NHS: variants seen among roughly 807,000 people sequenced by gnomAD.
NHS encodes the protein actin remodeling regulator NHS.
In NHS, 5 loss-of-function variants were observed where a neutral mutation model predicts 72.5. That is an observed-to-expected ratio of 0.07 (90% CI 0.04 to 0.14). The LOEUF (loss-of-function observed/expected upper bound fraction) is 0.14. NHS is among the 10% of genes least tolerant of loss of function. NHS has a pLI of 1.00. For synonymous variants in NHS, 464 were observed against 547.7 expected, an observed-to-expected ratio of 0.85 and a Z score of 2.13; for missense variants, 1,072 against 1,355.7, an observed-to-expected ratio of 0.79 and a Z score of 3.29.
At chrX:17,562,096 G>A (rs1282379444) in intron 1 of NHS, among the ~76,000 whole-genome samples, 2 of 111,590 alleles carry the variant, frequency 1.8e-5, no homozygotes, top group African/African-American at 3.3e-5. Flanking sequence ...CTATAAATGG[G>A]TTGGGAATGA....
chrX:17,530,883 G>T (rs1234366465), intron 1 of NHS, among the ~76,000 whole-genome samples: 1 of 110,993 alleles, frequency 9.0e-6, no homozygotes, highest in Non-Finnish European at 1.9e-5. Context: ...GGCTGGTCTT[G>T]AACTGCTGGC....
At chrX:17,573,530 A>G (rs755017786) in intron 1 of NHS, among the ~76,000 whole-genome samples, 1 of 109,838 alleles carries the variant, frequency 9.1e-6, no homozygotes, top group South Asian at 3.9e-4. Flanking sequence ...CAGCTCCATC[A>G]GATCATTTAA....
intron 2 of NHS, 100 bp from the exon 3 acceptor site, chrX:17,692,235 T>G (rs1352883729): frequency 1.4e-5 from 9 of 639,343 alleles, no homozygotes; most frequent in Non-Finnish European, 1.8e-5. Context: ...AAAACTCACT[T>G]TTTTTTTTTT....
intron 1 of NHS, among the ~76,000 whole-genome samples, chrX:17,485,000 G>A (rs1204192837): frequency 8.9e-6 from 1 of 111,780 alleles, no homozygotes. Flanking sequence ...GGTGTGAGAG[G>A]CTCCCCTCTT....
intron 4 of NHS, among the ~76,000 whole-genome samples, chrX:17,721,102 A>G (rs773241161): frequency 8.9e-6 from 1 of 111,847 alleles, no homozygotes; most frequent in East Asian, 2.8e-4. Context: ...ATAGAAATTT[A>G]TGGTGAGATA....
chrX:17,555,622 G>A (rs1439046733), intron 1 of NHS, among the ~76,000 whole-genome samples: 2 of 112,130 alleles, frequency 1.8e-5, no homozygotes, highest in Admixed American at 9.5e-5. Flanking sequence ...GTTAGGATAA[G>A]AGGAAATCAG....
chrX:17,421,548 T>C (rs2064623714), intron 1 of NHS, among the ~76,000 whole-genome samples: 1 of 111,326 alleles, frequency 9.0e-6, no homozygotes, highest in Non-Finnish European at 1.9e-5. Flanking sequence ...CTGTGGCTGA[T>C]TTTTTCTTTT....
At chrX:17,648,757 G>A (rs375117081) in intron 1 of NHS, among the ~76,000 whole-genome samples, 21 of 112,184 alleles carry the variant, frequency 1.9e-4, no homozygotes, top group African/African-American at 6.8e-4. Context: ...CCAAGAGACA[G>A]TGTAGTGAGG....
intron 1 of NHS, among the ~76,000 whole-genome samples, chrX:17,512,982 C>T (rs1205488393): frequency 8.9e-6 from 1 of 111,938 alleles, no homozygotes; most frequent in Admixed American, 9.5e-5. Flanking sequence ...GCTCTGCACT[C>T]CAAGTTACCT....
At chrX:17,711,441 T>C (rs1313305187) in intron 3 of NHS, among the ~76,000 whole-genome samples, 1 of 112,634 alleles carries the variant, frequency 8.9e-6, no homozygotes, top group Non-Finnish European at 1.9e-5. Flanking sequence ...TAATTGGTTA[T>C]GCTTTGCACA....
chrX:17,511,511 T>TA (rs1051057207), intron 1 of NHS, among the ~76,000 whole-genome samples: 9 of 111,013 alleles, frequency 8.1e-5, no homozygotes, highest in East Asian at 2.8e-4. Flanking sequence ...TTGTTCATGA[T>TA]AAAAAAAAGC....
rs796409129 is a variant in NHS, at chrX:17,673,237, C to CACACACACACAG, written c.566-14504_566-14503insCACACACACAGA. 1.3e-4 allele frequency among the ~76,000 whole-genome samples: 12 copies of CACACACACACAG among 95,032 alleles called. No homozygotes were observed. In the South Asian group the frequency reaches 1.6e-3, roughly 12 times the overall value. The allele number at this position is 95,032 out of a possible 115,157, so 82.5% of individuals were successfully genotyped here. ...ACACACACACACACACACACACACA[C>CACACACACACAG]AAGAAAGCTCGTCTGAGCCAGGGAC... On this transcript the variant is annotated intron_variant, in intron 1 of 8. Transcript: ENST00000676302.
At chrX:17,645,979 T>C (rs2147080203) in intron 1 of NHS, among the ~76,000 whole-genome samples, 1 of 111,821 alleles carries the variant, frequency 8.9e-6, no homozygotes, top group East Asian at 2.8e-4. Flanking sequence ...GATAGGTTCT[T>C]GCTCTTCTGA....
intron 1 of NHS, among the ~76,000 whole-genome samples, chrX:17,580,455 A>T (rs1194040602): frequency 1.8e-5 from 2 of 112,237 alleles, no homozygotes; most frequent in Non-Finnish European, 3.8e-5. Flanking sequence ...GGGGGCAGAG[A>T]AGAAACAATA....
chrX:17,561,885 C>T (rs1010482288), intron 1 of NHS, among the ~76,000 whole-genome samples: 8 of 109,070 alleles, frequency 7.3e-5, no homozygotes, highest in African/African-American at 2.3e-4. Flanking sequence ...AACTGGGGCA[C>T]GTTTGTCTAA....
rs766662277 is a variant in NHS, at chrX:17,521,366, C to CTTTTTTTTTTTTT, written c.565+145045_565+145057dup. Among the ~76,000 whole-genome samples, 24 of 97,342 alleles carry CTTTTTTTTTTTTT rather than the reference C, an allele frequency of 2.5e-4. 4 individuals carry two copies. Among genetic ancestry groups the CTTTTTTTTTTTTT allele is most frequent in the African/African-American group, 9.9e-4 (23 of 23,153 alleles). 84.5% of individuals were successfully genotyped at this position (97,342 alleles called of 115,157 possible). On this transcript the variant is annotated intron_variant, in intron 1 of 8. Transcript: ENST00000676302. Reference sequence around the variant, plus strand: ...AGTTCTACCTTTTTCTCCCTTCCCTCTTTTTTTTTTTTTGAGACAGGGTCT... The same window carrying CTTTTTTTTTTTTT: ...AGTTCTACCTTTTTCTCCCTTCCCTCTTTTTTTTTTTTTTTTTTTTTTTTTTGAGACAGGGTCT...
chrX:17,718,103 A>G (rs1466642987), intron 3 of NHS, among the ~76,000 whole-genome samples: 1 of 110,738 alleles, frequency 9.0e-6, no homozygotes, highest in Non-Finnish European at 1.9e-5. Context: ...AGTCTATTAC[A>G]TATACTTTAC....
intron 1 of NHS, among the ~76,000 whole-genome samples, chrX:17,556,923 TA>T (rs2065378027): frequency 9.1e-6 from 1 of 109,297 alleles, no homozygotes; most frequent in South Asian, 4.0e-4. Flanking sequence ...GTGTTGTAAC[TA>T]AAAAATGGAC....
chrX:17,685,811 G>C lies in NHS; in HGVS notation c.566-1931G>C, dbSNP rs1363528281. Among the ~76,000 whole-genome samples, 3 of 111,783 alleles carry C rather than the reference G, an allele frequency of 2.7e-5. No homozygotes were observed. In the Admixed American group the frequency reaches 2.8e-4, roughly 11 times the overall value. ...TGCCTGAGACCATCCCTAGGGAACTGTATAATACCAAAATAGGAAAAGTCT... is the reference window on the plus strand; with the variant it reads ...TGCCTGAGACCATCCCTAGGGAACTCTATAATACCAAAATAGGAAAAGTCT... On this transcript the variant is annotated intron_variant, in intron 1 of 8. Transcript: ENST00000676302.
Sources: gnomAD v4.1 joint callset for allele counts (sites outside exome capture counted in the v4.1 genomes callset) on GRCh38, gnomAD v4.1.1 for gene constraint, MANE v1.5 for transcripts, NCBI Gene and HGNC (gene_info 2026-07-23, HGNC 2026-07-21) for gene names.